The following VIPR1 variants were observed in gnomAD, a reference collection of about 807,000 sequenced individuals.
The protein encoded by VIPR1 is vasoactive intestinal peptide receptor 1.
Under a neutral mutation model 58.8 loss-of-function variants are expected in VIPR1, and 59 were observed. The ratio of observed to expected loss-of-function variants is 1.00; its 90% confidence interval spans 0.81 to 1.25. The LOEUF (loss-of-function observed/expected upper bound fraction) is 1.25. Among genes scored for constraint, VIPR1 ranks in the 50% most tolerant of loss-of-function variants. The pLI, the probability that VIPR1 is intolerant of heterozygous loss-of-function variation, is 0.00. For missense variants in VIPR1, 626 were observed against 602.7 expected (o/e 1.04, Z -0.40); for synonymous variants, 251 against 242.1 (o/e 1.04, Z -0.34).
chr3:42,501,428 C>G (rs1022233609), upstream of VIPR1, among the ~76,000 whole-genome samples: 1 of 152,200 alleles, frequency 6.6e-6, no homozygotes, highest in African/African-American at 2.4e-5. This position sits in a 1 kb window ranked among gnomAD's most constrained non-coding sequence, Gnocchi z 4.8. Flanking sequence ...CGCCTCTCCA[C>G]TGAACTCCGC....
chr3:42,501,344 G>A (rs1288359045), upstream of VIPR1, among the ~76,000 whole-genome samples: 1 of 150,398 alleles, frequency 6.6e-6, no homozygotes, highest in Non-Finnish European at 1.5e-5. The surrounding 1 kb of genome is among the most constrained non-coding windows in gnomAD (Gnocchi z 4.8). Flanking sequence ...CTGCTGTTCA[G>A]CCAAAGCCTA....
upstream of VIPR1, chr3:42,500,441 G>A (rs892677012): frequency 6.6e-6 from 1 of 152,298 alleles, no homozygotes; most frequent in Non-Finnish European, 1.5e-5. Context: ...CAGGAGAGCA[G>A]GAGAACTTCA....
At chr3:42,507,111 T>C (rs933596265) in intron 1 of VIPR1, 1 of 152,226 alleles carries the variant, frequency 6.6e-6, no homozygotes, top group Non-Finnish European at 1.5e-5. Context: ...AAGGACACTC[T>C]TCTATATAAC....
At chr3:42,507,498 C>T (rs1700169379) in intron 1 of VIPR1, among the ~76,000 whole-genome samples, 1 of 152,254 alleles carries the variant, frequency 6.6e-6, no homozygotes, top group African/African-American at 2.4e-5. Flanking sequence ...TCTCCATGTA[C>T]TAAGGACTCA....
intron 1 of VIPR1, among the ~76,000 whole-genome samples, chr3:42,495,625 A>G (rs1239694483): frequency 6.6e-6 from 1 of 151,966 alleles, no homozygotes; most frequent in Admixed American, 6.5e-5. Context: ...TAGAGTTCAG[A>G]GACATAAGTC....
intron 7 of VIPR1, 168 bp downstream of exon 7, chr3:42,531,100 T>C: frequency 1.1e-6 from 1 of 891,990 alleles, no homozygotes; most frequent in South Asian, 1.7e-5. Context: ...AAATGTCTGA[T>C]CCCAGGACAA....
intron 12 of VIPR1, 29 bp downstream of exon 12, chr3:42,535,413 G>A (rs11721260): frequency 6.2e-7 from 1 of 1,611,350 alleles, no homozygotes; most frequent in South Asian, 1.1e-5. Context: ...TTGGGGCTTA[G>A]GCAATGGAAC....
intron 6 of VIPR1, chr3:42,528,463 G>T: frequency 3.4e-6 from 1 of 294,398 alleles, no homozygotes. Context: ...GGAACTTACA[G>T]CCTCAGTTTC....
In VIPR1 at chr3:42,502,828, G is replaced by T; in HGVS notation, c.78+15G>T. 1 of 1,253,376 alleles carries T rather than the reference G, an allele frequency of 8.0e-7. No homozygotes were observed. Among genetic ancestry groups the T allele is most frequent in the Non-Finnish European group, 1.0e-6 (1 of 998,944 alleles). 77.6% of individuals were successfully genotyped at this position (1,253,376 alleles called of 1,614,324 possible). A position where few individuals can be genotyped will look rare whatever the true frequency, so the allele number is the denominator to read the frequency against. On this transcript the variant is annotated intron_variant, in intron 1 of 12. Transcript: ENST00000325123. ...TTGGGCCGGCGGTGAGTGTTCGCCC[G>T]GCCGCCCAGAGTCCCGGCAGCCTGG... is the stretch of plus-strand genomic sequence containing the variant.
At chr3:42,533,907 G>C (rs2125680234) in intron 10 of VIPR1, 1 of 152,446 alleles carries the variant, frequency 6.6e-6, no homozygotes, top group East Asian at 1.9e-4. Context: ...TGACTGCTAA[G>C]GCAGGAGAGA....
chr3:42,528,174 A>C, intron 6 of VIPR1, 51 bp downstream of exon 6: 1 of 1,591,746 alleles, frequency 6.3e-7, no homozygotes, highest in Non-Finnish European at 8.6e-7. Flanking sequence ...GTTATCTTTA[A>C]CCACTGTAAT....
intron 2 of VIPR1, among the ~76,000 whole-genome samples, chr3:42,515,919 A>G (rs1700602374): frequency 6.6e-6 from 1 of 152,128 alleles, no homozygotes; most frequent in Non-Finnish European, 1.5e-5. Context: ...TGATACACCC[A>G]GACATGTCTG....
In VIPR1 at chr3:42,527,566, C is replaced by A. The variant is rs962100158; in HGVS notation, c.503+70C>A. On this transcript the variant is annotated intron_variant, in intron 5 of 12. Transcript: ENST00000325123. The stretch of plus-strand genomic sequence containing the variant: ...GTGTCCCTCCCACAGTGGAGCCCAG[C>A]GTGGCCCAGGCGTGCCCCGACCCCT... 26 of 1,506,442 alleles carry A rather than the reference C, an allele frequency of 1.7e-5. No individual in the cohort carries two copies. The African/African-American group carries it at 2.6e-4, about 15-fold the overall frequency. 93.3% of individuals were successfully genotyped at this position (1,506,442 alleles called of 1,614,324 possible). A position where few individuals can be genotyped will look rare whatever the true frequency, so the allele number is the denominator to read the frequency against.
rs1226738250 is a variant in VIPR1 at position 42,528,119 on chromosome 3, G to T, written c.632G>T (p.Gly211Val). The T allele has an allele frequency of 3.1e-6, 5 of 1,613,236 alleles. No individual in the cohort carries two copies. The highest frequency in any genetic ancestry group is 4.2e-6 in the Non-Finnish European group (5 of 1,179,786). ...DSGESDQCSE[G>V]SVGCKAAMVF... ...GGGGAGTCGGACCAGTGCTCCGAGGGCTCGGTGAGGATCCTGGCCCTGGCC... is the reference window on the plus strand; with the variant it reads ...GGGGAGTCGGACCAGTGCTCCGAGGTCTCGGTGAGGATCCTGGCCCTGGCC... Residue 211 changes from glycine to valine, a missense_variant, in exon 6 of 13, where the codon GGC (glycine) becomes GTC (valine). Physicochemically the swap from Gly to Val is moderately radical, Grantham distance 109. Transcript: ENST00000325123.
upstream of VIPR1, among the ~76,000 whole-genome samples, chr3:42,500,739 C>G (rs1699851098): frequency 1.3e-5 from 2 of 152,130 alleles, no homozygotes. Context: ...CTAACAGCAG[C>G]CGTCAGGGGT....
upstream of VIPR1, among the ~76,000 whole-genome samples, chr3:42,500,607 A>T (rs1255872636): frequency 6.6e-6 from 1 of 152,250 alleles, no homozygotes; most frequent in East Asian, 1.9e-4. Context: ...CTCCTAGGAC[A>T]CCATGCCAGC....
intron 1 of VIPR1, among the ~76,000 whole-genome samples, chr3:42,493,953 C>A (rs1699711030): frequency 6.6e-6 from 1 of 152,222 alleles, no homozygotes; most frequent in Non-Finnish European, 1.5e-5. Flanking sequence ...AGTCTCAACT[C>A]CCACCTGGCA....
At position 42,531,873 on chromosome 3, in the gene VIPR1, A is replaced by G; in HGVS notation, c.918+4A>G. 4.3e-6 allele frequency: 7 copies of G among 1,614,144 alleles called. No homozygotes were observed. The highest frequency in any genetic ancestry group is 5.9e-6 in the Non-Finnish European group (7 of 1,180,008). On this transcript the variant is annotated splice_donor_region_variant and intron_variant, in intron 9 of 12. Coordinates refer to ENST00000325123, the MANE Select transcript of VIPR1 (RefSeq NM_004624.4). ...CCCCATCCTCACCTCCATCTTGGTA[A>G]GATACCCTCCCACCACCTAGAGATG...
chr3:42,520,443 A>G (rs1291967224), intron 3 of VIPR1, among the ~76,000 whole-genome samples: 1 of 152,042 alleles, frequency 6.6e-6, no homozygotes, highest in Non-Finnish European at 1.5e-5. Flanking sequence ...GGAAAACCCA[A>G]TCACAAGGCA....
Sources: gnomAD v4.1 joint callset for allele counts (sites outside exome capture counted in the v4.1 genomes callset) on GRCh38, gnomAD v4.1.1 for gene constraint, Gnocchi (gnomAD v3.1) non-coding constraint, MANE v1.5 for transcripts, NCBI Gene and HGNC (gene_info 2026-07-23, HGNC 2026-07-21) for gene names.